PCSK5: variants seen among roughly 807,000 people sequenced by gnomAD.
PCSK5 encodes prohormone convertase 5.
PCSK5 carries 129 observed loss-of-function variants against 233.2 expected under a neutral mutation model. That is an observed-to-expected ratio of 0.55 (90% confidence interval 0.48 to 0.64). PCSK5 has a LOEUF of 0.64. Among genes scored for constraint, PCSK5 ranks in the 30% least tolerant of loss-of-function variants. PCSK5 has a pLI of 0.00. For synonymous variants in PCSK5, 825 were observed against 879.2 expected (o/e 0.94, Z 1.09); for missense variants, 2,076 against 2,430.1 (o/e 0.85, Z 3.06).
At chr9:75,915,620 A>G (rs1375312140) in intron 1 of PCSK5, among the ~76,000 whole-genome samples, 1 of 152,238 alleles carries the variant, frequency 6.6e-6, no homozygotes, top group Admixed American at 6.5e-5. Flanking sequence ...AACAATGCAA[A>G]TAAAACAGGC....
intron 3 of PCSK5, among the ~76,000 whole-genome samples, chr9:75,996,828 T>TC (rs1397260720): frequency 6.6e-6 from 1 of 151,890 alleles, no homozygotes; most frequent in Non-Finnish European, 1.5e-5. Context: ...TTTTTTTTTT[T>TC]TTTTATCAAG....
At chr9:76,164,144 A>G (rs1253582272) in intron 12 of PCSK5, among the ~76,000 whole-genome samples, 1 of 152,188 alleles carries the variant, frequency 6.6e-6, no homozygotes, top group Non-Finnish European at 1.5e-5. Flanking sequence ...CAAATGTTCA[A>G]TGACAGACTA....
chr9:76,028,434 G>A (rs1339673902), intron 5 of PCSK5, among the ~76,000 whole-genome samples: 1 of 152,180 alleles, frequency 6.6e-6, no homozygotes, highest in East Asian at 1.9e-4. Context: ...TTGGTGGGTA[G>A]CGACTTAGGA....
At chr9:76,230,191 G>A (rs1037008960) in intron 21 of PCSK5, among the ~76,000 whole-genome samples, 8 of 152,136 alleles carry the variant, frequency 5.3e-5, no homozygotes, top group Non-Finnish European at 1.0e-4. Flanking sequence ...GGGGTGGGTC[G>A]TGGTGACATA....
intron 5 of PCSK5, among the ~76,000 whole-genome samples, chr9:76,030,707 G>A (rs981369234): frequency 3.9e-5 from 6 of 152,042 alleles, no homozygotes; most frequent in Non-Finnish European, 7.4e-5. Context: ...CAGACTATAT[G>A]TAAAGGCAAT....
In PCSK5 at chr9:76,328,125, G is replaced by A. The variant is rs753399140; in HGVS notation, c.4456G>A (p.Glu1486Lys). The change falls in exon 33 of 38, where the codon GAG becomes AAG. Residue 1486 changes from glutamate to lysine, a missense_variant. Physicochemically the swap from Glu to Lys is moderately conservative, Grantham distance 56. Transcript: ENST00000674117. Reference protein sequence around the residue: ...CMANEKCSPSEYWDEDAPGCK... With the variant: ...CMANEKCSPSKYWDEDAPGCK... ...GGCCAACGAGAAGTGCTCACCCTCC[G>A]AGTACTGGGATGAGGATGCTCCCGG... 15 of 1,612,696 alleles carry A rather than the reference G, an allele frequency of 9.3e-6. No individual in the cohort carries two copies. Among genetic ancestry groups the A allele is most frequent in the Middle Eastern group, 1.6e-4 (1 of 6,084 alleles).
chr9:76,328,899 C>T (rs1829447960), intron 33 of PCSK5, among the ~76,000 whole-genome samples: 1 of 151,322 alleles, frequency 6.6e-6, no homozygotes, highest in African/African-American at 2.4e-5. Context: ...ACCTCTGACT[C>T]CTGGGTTCAA....
chr9:76,263,739 T>A (rs912604143), intron 24 of PCSK5, among the ~76,000 whole-genome samples: 2 of 151,602 alleles, frequency 1.3e-5, no homozygotes, highest in African/African-American at 4.8e-5. Flanking sequence ...GTAACTAACC[T>A]GCACATTGTG....
chr9:75,968,025 G>C (rs934841443), intron 2 of PCSK5, among the ~76,000 whole-genome samples: 3 of 152,168 alleles, frequency 2.0e-5, no homozygotes, highest in African/African-American at 7.2e-5. Context: ...GCCTCCCAAA[G>C]TACTGGGATT....
chr9:76,233,749 T>G (rs185694348), intron 22 of PCSK5, among the ~76,000 whole-genome samples, 153 bp downstream of exon 22: 2 of 152,272 alleles, frequency 1.3e-5, no homozygotes, highest in Non-Finnish European at 2.9e-5. Flanking sequence ...TTGAACTTTC[T>G]GCTTGCTGTC....
intron 2 of PCSK5, among the ~76,000 whole-genome samples, chr9:75,976,674 G>A (rs1826036614): frequency 6.6e-6 from 1 of 151,482 alleles, no homozygotes; most frequent in East Asian, 1.9e-4. Context: ...GCCAAGATGG[G>A]TAGTCTTAAA....
chr9:76,004,927 G>A (rs910669880), intron 3 of PCSK5, among the ~76,000 whole-genome samples: 1 of 152,104 alleles, frequency 6.6e-6, no homozygotes, highest in Admixed American at 6.5e-5. Context: ...TCAAGATATC[G>A]GTGAGAAGGG....
At chr9:76,181,830 C>T (rs1376042745) in intron 16 of PCSK5, among the ~76,000 whole-genome samples, 2 of 152,110 alleles carry the variant, frequency 1.3e-5, no homozygotes, top group Non-Finnish European at 2.9e-5. Context: ...TTCACAAGGC[C>T]TGGGGTATAG....
intron 7 of PCSK5, among the ~76,000 whole-genome samples, chr9:76,093,567 A>T (rs975520): frequency 0.1 from 15,444 of 148,382 alleles, 869 homozygotes; most frequent in African/African-American, 0.15. Flanking sequence ...TCATAATTTT[A>T]TATATATATA....
chr9:76,307,110 T>A (rs1049756239), intron 28 of PCSK5, among the ~76,000 whole-genome samples: 2 of 138,894 alleles, frequency 1.4e-5, no homozygotes, highest in Non-Finnish European at 3.1e-5. Flanking sequence ...TTCACAACAA[T>A]CCTATAAGGG....
At chr9:75,986,328 A>G in intron 3 of PCSK5, 83 bp downstream of exon 3, 1 of 792,806 alleles carries the variant, frequency 1.3e-6, no homozygotes, top group Non-Finnish European at 2.2e-6. Flanking sequence ...TCTTGGGAGG[A>G]CACAGAAATA....
At position 75,992,422 on chromosome 9, in the gene PCSK5, A is replaced by G. The variant is rs190194319; in HGVS notation, c.411+6177A>G. Among the ~76,000 whole-genome samples the G allele has an allele frequency of 6.6e-5, 10 of 152,358 alleles. No homozygotes were observed. In the East Asian group the frequency reaches 1.9e-3, roughly 29 times the overall value. On this transcript the variant is annotated intron_variant, in intron 3 of 37. Coordinates refer to ENST00000674117, the MANE Select transcript of PCSK5 (RefSeq NM_001372043.1). ...ACAACTTAGAAATGACACTTGGCTG[A>G]AAATGTGAGTTTAATAGAAAAGATC...
intron 1 of PCSK5, among the ~76,000 whole-genome samples, chr9:75,918,545 G>C (rs1823106441): frequency 6.6e-6 from 1 of 152,170 alleles, no homozygotes; most frequent in African/African-American, 2.4e-5. Context: ...GCACTTAGGA[G>C]ACATCAAACT....
Position 76,358,498 on chromosome 9 carries a change from GTCT to G in PCSK5, c.5255-9_5255-7del. The G allele has an allele frequency of 6.3e-7, 1 of 1,595,058 alleles. No individual in the cohort carries two copies. The highest frequency in any genetic ancestry group is 1.3e-5 in the African/African-American group (1 of 74,560). ...TTTCCCTCTTGCCTCTTCCTTTGAGGTCTTCTTCCAACAGACGAATGCATCCTT... is the reference window on the plus strand; with the variant it reads ...TTTCCCTCTTGCCTCTTCCTTTGAGGTCTTCCAACAGACGAATGCATCCTT... On this transcript the variant is annotated splice_polypyrimidine_tract_variant and intron_variant, in intron 37 of 37. Coordinates refer to ENST00000674117, the MANE Select transcript of PCSK5 (RefSeq NM_001372043.1).
Sources: gnomAD v4.1 joint callset for allele counts (sites outside exome capture counted in the v4.1 genomes callset) on GRCh38, gnomAD v4.1.1 for gene constraint, MANE v1.5 for transcripts, NCBI Gene and HGNC (gene_info 2026-07-23, HGNC 2026-07-21) for gene names.